PCDHA11: variants seen among roughly 807,000 people sequenced by gnomAD.
PCDHA11 encodes the protein protocadherin alpha 11.
Under a neutral mutation model 70.3 loss-of-function variants are expected in PCDHA11, and 61 were observed. That is an observed-to-expected ratio of 0.87 (90% CI 0.71 to 1.07). PCDHA11 has a LOEUF of 1.07. PCDHA11 is among the 50% of genes least tolerant of loss of function. The pLI is 0.00. For missense variants in PCDHA11, 1,324 were observed against 1,237.5 expected (o/e 1.07, Z -1.05); for synonymous variants, 633 against 555.1 (o/e 1.14, Z -1.97).
Position 140,870,071 on chromosome 5 carries a change from A to G in PCDHA11, c.968A>G (p.Asp323Gly), listed in dbSNP as rs782336770. Reference sequence around the variant, plus strand: ...TATAAAATTGAAGTACAGGCTACAGATAAGGGGACTCCCCCAATGGCAGGT... The same window carrying G: ...TATAAAATTGAAGTACAGGCTACAGGTAAGGGGACTCCCCCAATGGCAGGT... Reference protein sequence around the residue: ...KFYKIEVQATDKGTPPMAGHC... With the variant: ...KFYKIEVQATGKGTPPMAGHC... Residue 323 changes from aspartate (D) to glycine (G), a missense_variant, in exon 1 of 4, where the codon GAT becomes GGT. Physicochemically the swap from Asp to Gly is moderately conservative, Grantham distance 94 (BLOSUM62 -1). Coordinates refer to ENST00000398640, the MANE Select transcript of PCDHA11 (RefSeq NM_018902.5). 13 of 1,613,778 alleles carry G rather than the reference A, an allele frequency of 8.1e-6. No homozygotes were observed. The highest frequency in any genetic ancestry group is 1.3e-5 in the African/African-American group (1 of 74,950).
intron 1 of PCDHA11, among the ~76,000 whole-genome samples, chr5:140,945,166 T>C (rs145739178): frequency 2.6e-5 from 4 of 152,112 alleles, no homozygotes; most frequent in African/African-American, 9.6e-5. Context: ...TTGAACTATC[T>C]GAAAAATAAA....
chr5:140,889,928 G>A (rs554679699), intron 1 of PCDHA11, among the ~76,000 whole-genome samples: 98 of 152,304 alleles, frequency 6.4e-4, no homozygotes, highest in South Asian at 1.5e-3. Context: ...AGAAGCTCAA[G>A]CTGGACTTGT....
chr5:140,994,229 A>G (rs1488908759), intron 3 of PCDHA11, among the ~76,000 whole-genome samples: 3 of 152,188 alleles, frequency 2.0e-5, no homozygotes, highest in African/African-American at 7.2e-5. Flanking sequence ...TGTCTATGTT[A>G]TAATCAATTC....
chr5:140,915,306 A>G (rs999638953), intron 1 of PCDHA11, among the ~76,000 whole-genome samples: 1 of 152,136 alleles, frequency 6.6e-6, no homozygotes, highest in Non-Finnish European at 1.5e-5. Context: ...ATAAGTTTAC[A>G]TACCACAATT....
Position 140,869,264 on chromosome 5 carries a change from T to C in PCDHA11, c.161T>C (p.Leu54Pro), listed in dbSNP as rs782308224. The change falls in exon 1 of 4, where the codon CTG (leucine) becomes CCG (proline). Residue 54 changes from leucine to proline, a missense_variant. Transcript: ENST00000398640. ...GGCCGCATCGCGCAGGACCTGGGGC[T>C]GGAGCTGGCGGAGCTGGTGCAGCGC... Reference protein sequence around the residue: ...FVGRIAQDLGLELAELVQRLF... With the variant: ...FVGRIAQDLGPELAELVQRLF... The C allele has an allele frequency of 6.2e-7, 1 of 1,613,438 alleles. No individual in the cohort carries two copies. The highest frequency in any genetic ancestry group is 1.1e-5 in the South Asian group (1 of 91,054).
chr5:141,004,178 T>G (rs527276653), intron 3 of PCDHA11, among the ~76,000 whole-genome samples: 2 of 152,372 alleles, frequency 1.3e-5, no homozygotes, highest in South Asian at 2.1e-4. Flanking sequence ...CCAAGTGTCT[T>G]GAGTGCTCTT....
intron 1 of PCDHA11, chr5:140,929,452 T>C: frequency 1.5e-6 from 2 of 1,366,592 alleles, no homozygotes; most frequent in Non-Finnish European, 2.0e-6. Context: ...TTCTTAGCAC[T>C]TCCTGTGCCA....
intron 1 of PCDHA11, among the ~76,000 whole-genome samples, chr5:140,899,251 G>T (rs1322090098): frequency 2.6e-5 from 4 of 152,082 alleles, no homozygotes; most frequent in African/African-American, 9.7e-5. Flanking sequence ...GTGAGAGAGG[G>T]CATCCCTGTC....
chr5:140,968,989 C>T, intron 1 of PCDHA11: 1 of 1,614,234 alleles, frequency 6.2e-7, no homozygotes, highest in Non-Finnish European at 8.5e-7. Flanking sequence ...GCACTGCATG[C>T]TGTGGAGGCT....
intron 1 of PCDHA11, among the ~76,000 whole-genome samples, chr5:140,971,573 CT>C (rs1203027280): frequency 6.6e-6 from 1 of 152,110 alleles, no homozygotes; most frequent in African/African-American, 2.4e-5. Flanking sequence ...GTTGGGCTTT[CT>C]TTTTTTCCTA....
intron 1 of PCDHA11, among the ~76,000 whole-genome samples, chr5:140,964,705 C>T (rs1361202248): frequency 2.6e-5 from 4 of 151,550 alleles, no homozygotes; most frequent in Non-Finnish European, 4.4e-5. Flanking sequence ...TTAAGGCCTC[C>T]GAGATCAAAT....
intron 1 of PCDHA11, among the ~76,000 whole-genome samples, chr5:140,886,744 TG>T (rs2061111877): frequency 6.6e-6 from 1 of 150,996 alleles, no homozygotes. Flanking sequence ...GAGAATTGCT[TG>T]AACCCGGGAG....
intron 1 of PCDHA11, among the ~76,000 whole-genome samples, chr5:140,931,054 G>A (rs2087273007): frequency 6.6e-6 from 1 of 152,180 alleles, no homozygotes; most frequent in Admixed American, 6.5e-5. Context: ...CTTCAATGCT[G>A]TGTCTGGGAC....
At chr5:140,938,187 C>A (rs1584944424) in intron 1 of PCDHA11, among the ~76,000 whole-genome samples, 1 of 152,276 alleles carries the variant, frequency 6.6e-6, no homozygotes, top group Non-Finnish European at 1.5e-5. Context: ...CTCAAGCAAT[C>A]CTCCCACGCC....
intron 3 of PCDHA11, 149 bp downstream of exon 3, chr5:140,982,712 T>C: frequency 7.3e-7 from 1 of 1,373,964 alleles, no homozygotes; most frequent in Non-Finnish European, 9.6e-7. Context: ...TCCTTACATA[T>C]ATGATTATTT....
chr5:140,932,493 T>C (rs148938081), intron 1 of PCDHA11, among the ~76,000 whole-genome samples: 1 of 151,888 alleles, frequency 6.6e-6, no homozygotes, highest in Non-Finnish European at 1.5e-5. Flanking sequence ...CTTTGCAATG[T>C]CATTTGTTAA....
intron 3 of PCDHA11, among the ~76,000 whole-genome samples, chr5:140,984,963 A>T (rs1390500469): frequency 1.3e-5 from 2 of 151,890 alleles, no homozygotes; most frequent in Non-Finnish European, 2.9e-5. Context: ...TTTGAGACAG[A>T]GTCTCGCTCT....
chr5:140,917,334 G>GC (rs1563019411), intron 1 of PCDHA11, among the ~76,000 whole-genome samples: 1 of 147,630 alleles, frequency 6.8e-6, no homozygotes, highest in Non-Finnish European at 1.5e-5. Context: ...CGGGGGAGGG[G>GC]GGGGATGGTG....
At chr5:140,922,373 C>A (rs1337198160) in intron 1 of PCDHA11, among the ~76,000 whole-genome samples, 1 of 152,158 alleles carries the variant, frequency 6.6e-6, no homozygotes, top group African/African-American at 2.4e-5. Context: ...CACTGAGATG[C>A]AAAACCAAAG....
Sources: gnomAD v4.1 joint callset for allele counts (sites outside exome capture counted in the v4.1 genomes callset) on GRCh38, gnomAD v4.1.1 for gene constraint, MANE v1.5 for transcripts, NCBI Gene and HGNC (gene_info 2026-07-23, HGNC 2026-07-21) for gene names.